Variants in DSG2 observed in about 807,000 individuals in gnomAD.
DSG2 encodes desmoglein 2, also known as desmoglein-2.
Under a neutral mutation model 75.6 loss-of-function variants are expected in DSG2, and 45 were observed. The ratio of observed to expected loss-of-function variants is 0.60; its 90% CI spans 0.47 to 0.76. DSG2 has a LOEUF of 0.76. Among genes scored for constraint, DSG2 ranks in the 30% least tolerant of loss-of-function variants. DSG2 has a pLI of 0.00. For missense variants in DSG2, 1,267 were observed against 1,357.4 expected (o/e 0.93, Z 1.05); for synonymous variants, 429 against 483.9 (o/e 0.89, Z 1.49).
intron 12 of DSG2, among the ~76,000 whole-genome samples, chr18:31,540,520 T>TA (rs2073260028): frequency 1.3e-5 from 2 of 152,236 alleles, no homozygotes; most frequent in South Asian, 4.1e-4. Context: ...GAATGTTTGT[T>TA]AAAATTGTTG....
chr18:31,523,492 T>A (rs1332587788), intron 6 of DSG2, among the ~76,000 whole-genome samples: 1 of 152,168 alleles, frequency 6.6e-6, no homozygotes, highest in African/African-American at 2.4e-5. Flanking sequence ...AATTAAAGAA[T>A]ATGATTACAC....
intron 1 of DSG2, among the ~76,000 whole-genome samples, chr18:31,511,217 C>G (rs1211789368): frequency 6.6e-6 from 1 of 152,178 alleles, no homozygotes; most frequent in Non-Finnish European, 1.5e-5. Flanking sequence ...CAGTTGCAGC[C>G]AGATAACACT....
At chr18:31,507,073 C>T (rs2073042731) in intron 1 of DSG2, among the ~76,000 whole-genome samples, 1 of 152,112 alleles carries the variant, frequency 6.6e-6, no homozygotes, top group Non-Finnish European at 1.5e-5. Flanking sequence ...ACTATCCCTC[C>T]CCTACCCCCA....
intron 1 of DSG2, among the ~76,000 whole-genome samples, chr18:31,504,458 T>A (rs1841396): frequency 0.49 from 74,214 of 152,058 alleles, 20,684 homozygotes; most frequent in African/African-American, 0.78. Flanking sequence ...CTTGTTTCAG[T>A]TATCGCCTTC....
chr18:31,543,575 T>A (rs1455754108), intron 14 of DSG2, among the ~76,000 whole-genome samples: 1 of 152,104 alleles, frequency 6.6e-6, no homozygotes, highest in African/African-American at 2.4e-5. Context: ...AATAAAAGTA[T>A]AATGTAGAGG....
At chr18:31,504,014 T>G (rs2073026779) in intron 1 of DSG2, among the ~76,000 whole-genome samples, 4 of 152,224 alleles carry the variant, frequency 2.6e-5, no homozygotes, top group Admixed American at 2.6e-4. Context: ...TAGGGATTTA[T>G]TTTACTTGTC....
At chr18:31,501,907 G>C (rs2073015693) in intron 1 of DSG2, among the ~76,000 whole-genome samples, 1 of 152,072 alleles carries the variant, frequency 6.6e-6, no homozygotes, top group African/African-American at 2.4e-5. Context: ...AATAATATCA[G>C]AGTTATGCTT....
rs765793636 is a variant in DSG2 at position 31,542,793 on chromosome 18, G to A, written c.2275G>A (p.Gly759Arg). The change falls in exon 14 of 15, where the codon GGA (glycine) becomes AGA (arginine). Residue 759 changes from glycine to arginine, a missense_variant. Coordinates refer to ENST00000261590, the MANE Select transcript of DSG2 (RefSeq NM_001943.5). ...CACAGGGGCTTCCAGAGACATGGCC[G>A]GAGCTCAGGCAGCTGCTGTTGCACT... Reference protein sequence around the residue: ...RATGASRDMAGAQAAAVALNE... With the variant: ...RATGASRDMARAQAAAVALNE... 1.7e-5 allele frequency: 27 copies of A among 1,604,708 alleles called. No individual in the cohort carries two copies. The highest frequency in any genetic ancestry group is 1.7e-4 in the Middle Eastern group (1 of 6,016).
At chr18:31,524,297 TA>T in intron 6 of DSG2, 150 bp from the exon 7 acceptor site, 1 of 1,113,950 alleles carries the variant, frequency 9.0e-7, no homozygotes, top group Non-Finnish European at 1.3e-6. Flanking sequence ...TGACTGCAAG[TA>T]AATAGTATCT....
rs990531400 is a variant in DSG2, at chr18:31,547,787, A to G, written c.*1044A>G. 6.6e-6 allele frequency: 1 copy of G among 152,180 alleles called. No homozygotes were observed. Among genetic ancestry groups the G allele is most frequent in the African/African-American group, 2.4e-5 (1 of 41,454 alleles). The allele number at this position is 152,180 out of a possible 1,614,324, so 9.4% of individuals were successfully genotyped here. A position where few individuals can be genotyped will look rare whatever the true frequency, so the allele number is the denominator to read the frequency against. The stretch of plus-strand genomic sequence containing the variant: ...AGTTGAATAATCCAAAACAAAATTT[A>G]TAAGTATAAAATAATTTTACTTCTT... On this transcript the variant is annotated 3_prime_UTR_variant, in exon 15 of 15. Coordinates refer to ENST00000261590, the MANE Select transcript of DSG2 (RefSeq NM_001943.5).
At chr18:31,533,237 G>C (rs879583115) in intron 9 of DSG2, among the ~76,000 whole-genome samples, 3 of 152,120 alleles carry the variant, frequency 2.0e-5, no homozygotes, top group Admixed American at 6.6e-5. Flanking sequence ...AAGAATCCGA[G>C]GCAGGAGGAT....
chr18:31,531,102 T>C lies in DSG2; in HGVS notation c.1130T>C (p.Val377Ala). 1 of 1,614,002 alleles carries C rather than the reference T, an allele frequency of 6.2e-7. No individual in the cohort carries two copies. Among genetic ancestry groups the C allele is most frequent in the Non-Finnish European group, 8.5e-7 (1 of 1,179,998 alleles). ...KYKPTPIPIK[V>A]KVKNVKEGIH... is the part of the protein sequence containing the mutation. Reference sequence around the variant, plus strand: ...AAGCCTACACCCATTCCCATCAAGGTCAAAGTGAAAAATGTGAAAGAAGGC... The same window carrying C: ...AAGCCTACACCCATTCCCATCAAGGCCAAAGTGAAAAATGTGAAAGAAGGC... Residue 377 changes from valine (V) to alanine (A), a missense_variant, in exon 9 of 15, where the codon GTC (valine) becomes GCC (alanine). Transcript: ENST00000261590.
chr18:31,527,014 G>GT (rs2073166899), intron 8 of DSG2, among the ~76,000 whole-genome samples: 1 of 152,090 alleles, frequency 6.6e-6, no homozygotes, highest in South Asian at 2.1e-4. Flanking sequence ...CTGCAGTAGT[G>GT]TACAGTAATG....
At chr18:31,545,692 G>A (rs1567934198) in intron 14 of DSG2, 29 bp from the exon 15 acceptor site, 1 of 1,607,926 alleles carries the variant, frequency 6.2e-7, no homozygotes, top group Admixed American at 1.7e-5. Context: ...TGTCTGTTTT[G>A]TGTTTGTTTT....
intron 14 of DSG2, among the ~76,000 whole-genome samples, chr18:31,544,714 G>T (rs1162297556): frequency 1.3e-5 from 2 of 152,266 alleles, no homozygotes; most frequent in East Asian, 3.9e-4. Flanking sequence ...AACTATGGAT[G>T]TTAGAAATAA....
At chr18:31,530,911 C>T in intron 8 of DSG2, 76 bp from the exon 9 acceptor site, 1 of 1,427,578 alleles carries the variant, frequency 7.0e-7, no homozygotes, top group Non-Finnish European at 9.8e-7. Flanking sequence ...ACATTAAAAC[C>T]ACACATGTAT....
rs999577123 is a variant in DSG2 at position 31,548,552 on chromosome 18, G to T, written c.*1809G>T. The T allele has an allele frequency of 1.2e-4, 19 of 152,052 alleles. No individual in the cohort carries two copies. Among genetic ancestry groups the T allele is most frequent in the Non-Finnish European group, 2.9e-5 (2 of 67,994 alleles). 9.4% of individuals were successfully genotyped at this position (152,052 alleles called of 1,614,324 possible). On this transcript the variant is annotated 3_prime_UTR_variant, in exon 15 of 15. Transcript: ENST00000261590. Reference sequence around the variant, plus strand: ...TAGAATTGTTTACTTAGTAATTGTTGTTTCTTTTATTATTATAGACTTACT... The same window carrying T: ...TAGAATTGTTTACTTAGTAATTGTTTTTTCTTTTATTATTATAGACTTACT...
intron 7 of DSG2, 33 bp from the exon 8 acceptor site, chr18:31,524,670 T>G (rs1195164228): frequency 6.2e-7 from 1 of 1,611,810 alleles, no homozygotes; most frequent in Admixed American, 1.7e-5. Flanking sequence ...TTGTATTTCA[T>G]TGAAATAAAA....
chr18:31,525,989 C>T lies in DSG2; in HGVS notation c.1014+1101C>T, dbSNP rs1204539965. On this transcript the variant is annotated intron_variant, in intron 8 of 14. Transcript: ENST00000261590. ...AACCCCATCTCTACTACTAAAAATA[C>T]AAAAATTAGCCAAGCGTGGTGGTGC... Among the ~76,000 whole-genome samples the T allele has an allele frequency of 3.3e-5, 5 of 151,998 alleles. No homozygotes were observed. The East Asian group carries it at 9.7e-4, about 29-fold the overall frequency.
Sources: gnomAD v4.1 joint callset for allele counts (sites outside exome capture counted in the v4.1 genomes callset) on GRCh38, gnomAD v4.1.1 for gene constraint, MANE v1.5 for transcripts, NCBI Gene and HGNC (gene_info 2026-07-23, HGNC 2026-07-21) for gene names.